Variants in NTRK3 observed in about 807,000 individuals in gnomAD.
NTRK3 encodes the protein NT-3 growth factor receptor.
A neutral mutation model predicts 91.7 loss-of-function variants in NTRK3; 24 were observed. That is an observed-to-expected ratio of 0.26 (90% confidence interval 0.19 to 0.37). The LOEUF (loss-of-function observed/expected upper bound fraction) is 0.37, where lower values mean the gene tolerates loss of function less well. Ranked by LOEUF, NTRK3 falls within the 10% of genes least tolerant of loss-of-function variation. The pLI is 1.00. For missense variants in NTRK3, 880 were observed against 1,068.9 expected, an observed-to-expected ratio of 0.82 and a Z score of 2.46; for synonymous variants, 483 against 404.0, an observed-to-expected ratio of 1.20 and a Z score of -2.34.
chr15:87,863,144 C>T lies in NTRK3; in HGVS notation c.*13791G>A, dbSNP rs188430160. On this transcript the variant is annotated 3_prime_UTR_variant, in exon 19 of 19. Coordinates refer to ENST00000394480, the Ensembl canonical transcript of NTRK3. Reference sequence around the variant, plus strand: ...GTGTGTTTCTTTCTACTTCTCTGAGCCAGGAGAGCTGGGAGTGTTACTCCA... The same window carrying T: ...GTGTGTTTCTTTCTACTTCTCTGAGTCAGGAGAGCTGGGAGTGTTACTCCA... The T allele has an allele frequency of 3.1e-3, 718 of 230,328 alleles. 3 individuals are homozygous for T. The highest frequency in any genetic ancestry group is 9.1e-3 in the Middle Eastern group (7 of 766). 14.3% of individuals were successfully genotyped at this position (230,328 alleles called of 1,614,324 possible). A position where few individuals can be genotyped will look rare whatever the true frequency, so the allele number is the denominator to read the frequency against.
rs117982878 is a variant in NTRK3, at chr15:88,118,067, G to A, written c.1396+8204C>T. ...GAGCTGGGGCCGGGGATTTGCAGCC[G>A]TTGGCTTGGTGGCTGCTGTTTTCAG... On this transcript the variant is annotated intron_variant, in intron 13 of 18. Transcript: ENST00000394480. Among the ~76,000 whole-genome samples the A allele has an allele frequency of 3.6e-3, 556 of 152,346 alleles. 4 individuals carry two copies. Among genetic ancestry groups the A allele is most frequent in the Non-Finnish European group, 5.9e-3 (399 of 68,038 alleles).
intron 17 of NTRK3, among the ~76,000 whole-genome samples, chr15:87,897,692 C>T (rs1467042575): frequency 6.6e-6 from 1 of 152,166 alleles, no homozygotes; most frequent in East Asian, 1.9e-4. Flanking sequence ...CCCTGCATAG[C>T]TCAGGTACTG....
At chr15:87,960,190 C>T (rs2072112200) in intron 14 of NTRK3, among the ~76,000 whole-genome samples, 1 of 152,182 alleles carries the variant, frequency 6.6e-6, no homozygotes, top group Non-Finnish European at 1.5e-5. Flanking sequence ...GTCAAAGGGA[C>T]CAGAGCACAA....
intron 13 of NTRK3, among the ~76,000 whole-genome samples, chr15:88,107,313 T>C (rs991985526): frequency 1.5e-4 from 23 of 152,072 alleles, no homozygotes; most frequent in Admixed American, 1.4e-3. Context: ...CAGGGCAGCA[T>C]GTGCCTGTAG....
chr15:88,026,824 T>C (rs1475081950), intron 14 of NTRK3, among the ~76,000 whole-genome samples: 3 of 152,080 alleles, frequency 2.0e-5, no homozygotes, highest in Non-Finnish European at 4.4e-5. Context: ...TTAAAATAAA[T>C]AAAAATTAAC....
At chr15:87,951,708 A>C (rs1332927564) in intron 14 of NTRK3, among the ~76,000 whole-genome samples, 1 of 152,212 alleles carries the variant, frequency 6.6e-6, no homozygotes, top group African/African-American at 2.4e-5. Context: ...TTAAAGCAGA[A>C]GGCTCAGACA....
chr15:88,014,262 G>A (rs1047105586), intron 14 of NTRK3, among the ~76,000 whole-genome samples: 1 of 152,072 alleles, frequency 6.6e-6, no homozygotes, highest in Non-Finnish European at 1.5e-5. Context: ...TCAACTTTGG[G>A]GAAAATGAAA....
chr15:88,116,852 G>T (rs1227140744), intron 13 of NTRK3, among the ~76,000 whole-genome samples: 4 of 152,216 alleles, frequency 2.6e-5, no homozygotes, highest in Non-Finnish European at 4.4e-5. Flanking sequence ...GGATCACTCA[G>T]AGAAATTGCT....
intron 13 of NTRK3, among the ~76,000 whole-genome samples, chr15:88,066,675 C>T (rs949895243): frequency 6.6e-6 from 1 of 152,146 alleles, no homozygotes; most frequent in African/African-American, 2.4e-5. Context: ...CATCACCCGC[C>T]CTGAGGACCT....
At chr15:87,923,094 T>C (rs1029591678) in intron 17 of NTRK3, among the ~76,000 whole-genome samples, 11 of 152,220 alleles carry the variant, frequency 7.2e-5, no homozygotes, top group Non-Finnish European at 1.6e-4. Flanking sequence ...GGCCTATCTT[T>C]CCTGATAAAT....
intron 6 of NTRK3, among the ~76,000 whole-genome samples, chr15:88,142,846 T>C (rs573693778): frequency 1.3e-5 from 2 of 152,204 alleles, no homozygotes; most frequent in Admixed American, 1.3e-4. Context: ...TCTTGGCAGA[T>C]GTAATCAAGT....
At chr15:88,131,175 G>A (rs1370568640) in intron 10 of NTRK3, among the ~76,000 whole-genome samples, 1 of 152,266 alleles carries the variant, frequency 6.6e-6, no homozygotes, top group Non-Finnish European at 1.5e-5. Context: ...TGATGCTGCT[G>A]TTCCCTTTGG....
chr15:88,129,363 T>A (rs2053596523), intron 10 of NTRK3, among the ~76,000 whole-genome samples: 1 of 152,224 alleles, frequency 6.6e-6, no homozygotes, highest in Non-Finnish European at 1.5e-5. Context: ...CATCACTCAA[T>A]CCTTATTACC....
At chr15:88,152,529 C>T (rs2151361703) in intron 5 of NTRK3, among the ~76,000 whole-genome samples, 1 of 152,248 alleles carries the variant, frequency 6.6e-6, no homozygotes, top group Middle Eastern at 3.4e-3. Context: ...AGGAGAGAAG[C>T]CTCAGAAGAA....
At chr15:88,130,617 T>A in intron 10 of NTRK3, among the ~76,000 whole-genome samples, 1 of 150,544 alleles carries the variant, frequency 6.6e-6, no homozygotes, top group Non-Finnish European at 1.5e-5. Context: ...TTCTGCAGAG[T>A]TCCTGCCAAA....
chr15:88,110,235 C>T (rs1020533591), intron 13 of NTRK3, among the ~76,000 whole-genome samples: 1 of 152,174 alleles, frequency 6.6e-6, no homozygotes, highest in Non-Finnish European at 1.5e-5. Flanking sequence ...AAGAAAGAGA[C>T]AATAAGGAAG....
At chr15:88,203,987 G>T (rs2048517446) in intron 3 of NTRK3, among the ~76,000 whole-genome samples, 1 of 152,064 alleles carries the variant, frequency 6.6e-6, no homozygotes, top group African/African-American at 2.4e-5. Flanking sequence ...TACATTTTAA[G>T]CCTCACATGC....
chr15:88,170,058 G>A (rs1248736293), intron 5 of NTRK3, among the ~76,000 whole-genome samples: 2 of 152,122 alleles, frequency 1.3e-5, no homozygotes, highest in Non-Finnish European at 2.9e-5. Flanking sequence ...ACCTTTGCAC[G>A]AATTAAGAGA....
At chr15:88,089,710 GGCACA>G (rs1273241094) in intron 13 of NTRK3, among the ~76,000 whole-genome samples, 2 of 152,108 alleles carry the variant, frequency 1.3e-5, no homozygotes, top group African/African-American at 4.8e-5. Flanking sequence ...TCTTGAGCAG[GGCACA>G]ACCTGTGCTA....
Sources: allele counts gnomAD v4.1 joint callset (sites outside exome capture counted in the v4.1 genomes callset), GRCh38; gene constraint gnomAD v4.1.1; transcripts MANE v1.5; gene names NCBI Gene and HGNC (gene_info 2026-07-23, HGNC 2026-07-21).